FOXP1: variants seen among roughly 807,000 people sequenced by gnomAD.
The protein encoded by FOXP1 is forkhead box protein P1.
Under a neutral mutation model 98.2 loss-of-function variants are expected in FOXP1, and 15 were observed. The ratio of observed to expected loss-of-function variants is 0.15; its 90% CI spans 0.10 to 0.24. The LOEUF (loss-of-function observed/expected upper bound fraction) is 0.24, where lower values mean the gene tolerates loss of function less well. Among genes scored for constraint, FOXP1 ranks in the 10% least tolerant of loss-of-function variants. The probability of loss-of-function intolerance (pLI) is 1.00; values close to 1 mark genes in which losing one functional copy is unlikely to be tolerated. For missense variants in FOXP1, 633 were observed against 848.5 expected (o/e 0.75, Z 3.15); for synonymous variants, 371 against 314.5 (o/e 1.18, Z -1.90).
At chr3:70,964,335 G>C (rs147059235) in intron 20 of FOXP1, among the ~76,000 whole-genome samples, 17 of 152,224 alleles carry the variant, frequency 1.1e-4, no homozygotes, top group Non-Finnish European at 2.9e-5. Context: ...ACTTTCTTTC[G>C]TACAGCAAAA....
chr3:71,073,271 C>T (rs146485513), intron 7 of FOXP1, among the ~76,000 whole-genome samples: 1 of 152,288 alleles, frequency 6.6e-6, no homozygotes, highest in East Asian at 1.9e-4. Flanking sequence ...CTTTTTCATC[C>T]GTTCACCCAT....
intron 5 of FOXP1, chr3:71,275,937 ATTC>A (rs1343684545): frequency 3.9e-5 from 6 of 152,140 alleles, no homozygotes; most frequent in African/African-American, 1.4e-4. Flanking sequence ...CAGTCTAATT[ATTC>A]TTCAATTTTA....
At chr3:71,518,530 A>G (rs1393447185) in intron 2 of FOXP1, among the ~76,000 whole-genome samples, 2 of 152,044 alleles carry the variant, frequency 1.3e-5, no homozygotes, top group Non-Finnish European at 2.9e-5. Flanking sequence ...GTTTCAATGG[A>G]GTGTTTGTGT....
intron 5 of FOXP1, among the ~76,000 whole-genome samples, chr3:71,199,109 A>AC (rs1231442510): frequency 2.9e-5 from 3 of 103,062 alleles, no homozygotes; most frequent in Middle Eastern, 0.016. Context: ...TTGGTATTAC[A>AC]CTTTTTTTTT....
In FOXP1 at chr3:70,979,499, T is replaced by C. The variant is rs181136209; in HGVS notation, c.1147-1470A>G. ...TGTTTTCAGCGTATGTATTACTGTTTATGTGCTGTCTCAGATACACAGACC... is the reference window on the plus strand; with the variant it reads ...TGTTTTCAGCGTATGTATTACTGTTCATGTGCTGTCTCAGATACACAGACC... On this transcript the variant is annotated intron_variant, in intron 14 of 20. Coordinates refer to ENST00000649528, the MANE Select transcript of FOXP1 (RefSeq NM_001349338.3). 2.0e-5 allele frequency among the ~76,000 whole-genome samples: 3 copies of C among 152,126 alleles called. No individual in the cohort carries two copies. The East Asian group carries it at 5.8e-4, about 29-fold the overall frequency.
intron 2 of FOXP1, among the ~76,000 whole-genome samples, chr3:71,525,484 T>C (rs984577565): frequency 6.6e-5 from 10 of 152,194 alleles, no homozygotes; most frequent in African/African-American, 2.4e-4. Flanking sequence ...TCAACTGGAT[T>C]TGTGGCCCTA....
chr3:71,472,559 G>A (rs1297567189), intron 3 of FOXP1, among the ~76,000 whole-genome samples: 4 of 151,872 alleles, frequency 2.6e-5, no homozygotes, highest in African/African-American at 7.3e-5. Flanking sequence ...TGCCAACCCT[G>A]AGGGAAGACC....
chr3:71,165,204 G>A (rs995157179), intron 6 of FOXP1, among the ~76,000 whole-genome samples: 4 of 141,810 alleles, frequency 2.8e-5, no homozygotes, highest in Non-Finnish European at 4.5e-5. Flanking sequence ...TTTATAAAAC[G>A]TTACTAGGAA....
At chr3:71,525,845 G>A (rs2043335234) in intron 2 of FOXP1, among the ~76,000 whole-genome samples, 1 of 152,088 alleles carries the variant, frequency 6.6e-6, no homozygotes, top group African/African-American at 2.4e-5. Flanking sequence ...GCCGGGTGCA[G>A]TGGCTCACGC....
intron 12 of FOXP1, among the ~76,000 whole-genome samples, chr3:71,003,440 T>C (rs2042370033): frequency 6.6e-6 from 1 of 151,832 alleles, no homozygotes; most frequent in African/African-American, 2.4e-5. Context: ...TTTTTTCCCA[T>C]AGCTTCAGCA....
chr3:71,302,513 TAAAAAA>T (rs34872613), intron 4 of FOXP1, among the ~76,000 whole-genome samples: 2 of 131,804 alleles, frequency 1.5e-5, no homozygotes, highest in African/African-American at 5.6e-5. Context: ...AGCTTTTATG[TAAAAAA>T]AAAAAAAAAA....
intron 2 of FOXP1, among the ~76,000 whole-genome samples, chr3:71,561,014 A>G (rs2046490964): frequency 6.6e-6 from 1 of 152,140 alleles, no homozygotes; most frequent in Admixed American, 6.5e-5. Context: ...ATGTTATACA[A>G]CTATGTGAAT....
chr3:71,316,756 C>G (rs1484910724), intron 4 of FOXP1, among the ~76,000 whole-genome samples: 1 of 151,542 alleles, frequency 6.6e-6, no homozygotes, highest in Non-Finnish European at 1.5e-5. Flanking sequence ...CTCCCAGGTT[C>G]AAGTGATTCT....
At chr3:71,215,963 G>GA (rs1576422011) in intron 5 of FOXP1, among the ~76,000 whole-genome samples, 1 of 152,190 alleles carries the variant, frequency 6.6e-6, no homozygotes, top group Admixed American at 6.5e-5. Context: ...GCAGTTTGTT[G>GA]AAGTCAAGAA....
intron 20 of FOXP1, 145 bp downstream of exon 20, chr3:70,965,744 CT>C (rs2034626100): frequency 1.2e-6 from 1 of 835,778 alleles, no homozygotes. Context: ...CTGAACATTT[CT>C]TGAAGTACAA....
chr3:71,090,579 C>T (rs1269445347), intron 7 of FOXP1, among the ~76,000 whole-genome samples: 1 of 152,184 alleles, frequency 6.6e-6, no homozygotes, highest in Non-Finnish European at 1.5e-5. Context: ...AATGAGCATA[C>T]TCCCTGATCT....
chr3:71,379,225 C>T (rs1306147925), intron 3 of FOXP1, among the ~76,000 whole-genome samples: 1 of 152,034 alleles, frequency 6.6e-6, no homozygotes, highest in Non-Finnish European at 1.5e-5. Flanking sequence ...GTAGAACAAG[C>T]AGACAATGGC....
rs76680770 is a variant in FOXP1, at chr3:71,266,653, G to T, written c.-12+33167C>A. On this transcript the variant is annotated intron_variant, in intron 5 of 20. Coordinates refer to ENST00000649528, the MANE Select transcript of FOXP1 (RefSeq NM_001349338.3). ...CATAGATTTATTGCATAATGCTGAA[G>T]TTTGGGCTTCTAGTGAACCCACTGC... Among the ~76,000 whole-genome samples the T allele has an allele frequency of 2.4e-3, 372 of 152,272 alleles. 3 individuals carry two copies. Among genetic ancestry groups the T allele is most frequent in the African/African-American group, 8.4e-3 (348 of 41,562 alleles).
At chr3:71,189,193 C>T (rs1188195409) in intron 6 of FOXP1, among the ~76,000 whole-genome samples, 2 of 152,130 alleles carry the variant, frequency 1.3e-5, no homozygotes, top group African/African-American at 2.4e-5. Context: ...ACACAACATA[C>T]GCTCCCCCAC....
Sources: allele counts gnomAD v4.1 joint callset (sites outside exome capture counted in the v4.1 genomes callset), GRCh38; gene constraint gnomAD v4.1.1; transcripts MANE v1.5; gene names NCBI Gene and HGNC (gene_info 2026-07-23, HGNC 2026-07-21).